The following POLI variants were observed in gnomAD, a reference collection of about 807,000 sequenced individuals.
POLI encodes the protein RAD30 homolog B.
In POLI, 58 loss-of-function variants were observed where a neutral mutation model predicts 51.6. The observed-to-expected ratio is 1.12, with a 90% confidence interval of 0.91 to 1.40. POLI has a LOEUF of 1.40. Ranked by LOEUF, POLI falls within the 40% of genes most tolerant of loss-of-function variation. The probability of loss-of-function intolerance (pLI) is 0.00; values close to 1 mark genes in which losing one functional copy is unlikely to be tolerated. For synonymous variants in POLI, 322 were observed against 299.7 expected, an observed-to-expected ratio of 1.07 and a Z score of -0.77; for missense variants, 921 against 871.3, an observed-to-expected ratio of 1.06 and a Z score of -0.72.
intron 7 of POLI, among the ~76,000 whole-genome samples, chr18:54,285,330 G>T (rs927271810): frequency 1.3e-5 from 2 of 152,142 alleles, no homozygotes; most frequent in Non-Finnish European, 2.9e-5. Flanking sequence ...AGTTTTACAG[G>T]TTCTCTTATT....
chr18:54,287,370 A>G lies in POLI; in HGVS notation c.1157A>G (p.Gln386Arg), dbSNP rs376491192. 14 of 1,605,946 alleles carry G rather than the reference A, an allele frequency of 8.7e-6. No homozygotes were observed. Among genetic ancestry groups the G allele is most frequent in the Non-Finnish European group, 1.1e-5 (13 of 1,174,998 alleles). The change falls in exon 8 of 10, where the codon CAG (glutamine) becomes CGG (arginine). Residue 386 changes from glutamine to arginine, a missense_variant. Coordinates refer to ENST00000579534, the MANE Select transcript of POLI (RefSeq NM_007195.3). Reference protein sequence around the residue: ...SEKHYGRESRQCPIPSHVIQK... With the variant: ...SEKHYGRESRRCPIPSHVIQK... Reference sequence around the variant, plus strand: ...AAGCACTATGGTCGTGAGAGTCGTCAGTGCCCTATTCCTTCACATGTAATT... The same window carrying G: ...AAGCACTATGGTCGTGAGAGTCGTCGGTGCCCTATTCCTTCACATGTAATT...
chr18:54,273,283 C>A (rs1325067850), intron 2 of POLI, among the ~76,000 whole-genome samples: 2 of 151,330 alleles, frequency 1.3e-5, no homozygotes, highest in Non-Finnish European at 2.9e-5. Flanking sequence ...ATTTTATATA[C>A]ATATTATATT....
At chr18:54,283,043 G>C (rs761868676) in intron 6 of POLI, 28 bp downstream of exon 6, 19 of 1,395,010 alleles carry the variant, frequency 1.4e-5, no homozygotes, top group Non-Finnish European at 1.9e-5. Context: ...TTTTAATTAA[G>C]TACTGGTTAT....
intron 8 of POLI, chr18:54,291,217 T>A (rs1903141): frequency 0.37 from 56,416 of 152,076 alleles, 11,446 homozygotes; most frequent in East Asian, 0.68. Flanking sequence ...ATCTGGCTGG[T>A]CCACTGATCT....
Position 54,298,070 on chromosome 18 carries a change from T to C in POLI, c.*3603T>C. ...CATGGATTTAGGTTCATTATGAATC[T>C]GCAGATTTGTGTCTTCCATCAAATC... On this transcript the variant is annotated 3_prime_UTR_variant, in exon 10 of 10. Transcript: ENST00000579534. The C allele has an allele frequency of 1.0e-6, 1 of 969,074 alleles. No homozygotes were observed. Among genetic ancestry groups the C allele is most frequent in the Non-Finnish European group, 1.2e-6 (1 of 815,042 alleles). The allele number at this position is 969,074 out of a possible 1,614,324, so 60.0% of individuals were successfully genotyped here.
chr18:54,300,626 G>T (rs780192809), downstream of POLI, among the ~76,000 whole-genome samples: 1 of 152,036 alleles, frequency 6.6e-6, no homozygotes, highest in Non-Finnish European at 1.5e-5. Flanking sequence ...TCAAAATCAT[G>T]TTAAATATAA....
rs192363974 is a variant in POLI at position 54,287,378 on chromosome 18, A to G, written c.1165A>G (p.Ile389Val). The change falls in exon 8 of 10, where the codon ATT (isoleucine) becomes GTT (valine). Residue 389 changes from isoleucine (I) to valine (V), a missense_variant. By Grantham distance (29) the Ile-to-Val change is conservative. Transcript: ENST00000579534. ...TGGTCGTGAGAGTCGTCAGTGCCCT[A>G]TTCCTTCACATGTAATTCAGAAATT... ...HYGRESRQCPIPSHVIQKLGT... is the reference protein window; with the variant it reads ...HYGRESRQCPVPSHVIQKLGT... 5.0e-6 allele frequency: 8 copies of G among 1,607,056 alleles called. No individual in the cohort carries two copies. The highest frequency in any genetic ancestry group is 1.7e-4 in the Middle Eastern group (1 of 6,042).
At chr18:54,287,556 A>C (rs1309935740) in intron 8 of POLI, 145 bp downstream of exon 8, 12 of 568,602 alleles carry the variant, frequency 2.1e-5, no homozygotes, top group Non-Finnish European at 3.4e-5. Context: ...AGGAATTTTC[A>C]CTGGAAAACT....
At chr18:54,315,839 G>C (rs1321451689) in intron 3 of POLI, among the ~76,000 whole-genome samples, 1 of 151,788 alleles carries the variant, frequency 6.6e-6, no homozygotes, top group African/African-American at 2.4e-5. Context: ...TTGAGCCTCT[G>C]TGTGTCATTA....
At position 54,294,538 on chromosome 18, in the gene POLI, T is replaced by C; in HGVS notation, c.*71T>C. On this transcript the variant is annotated 3_prime_UTR_variant, in exon 10 of 10. Coordinates refer to ENST00000579534, the MANE Select transcript of POLI (RefSeq NM_007195.3). ...TTCGGATTAGCGGTTTATTAAGCTC[T>C]TCTATATTAAACACTAATAGATATT... is the stretch of plus-strand genomic sequence containing the variant. 3 of 1,474,830 alleles carry C rather than the reference T, an allele frequency of 2.0e-6. No homozygotes were observed. The highest frequency in any genetic ancestry group is 8.9e-7 in the Non-Finnish European group (1 of 1,118,832). 91.4% of individuals were successfully genotyped at this position (1,474,830 alleles called of 1,614,324 possible). A position where few individuals can be genotyped will look rare whatever the true frequency, so the allele number is the denominator to read the frequency against.
chr18:54,299,885 C>CA (rs1434343914), downstream of POLI, among the ~76,000 whole-genome samples: 1 of 151,938 alleles, frequency 6.6e-6, no homozygotes, highest in East Asian at 1.9e-4. Context: ...CATACTATTG[C>CA]AGAAAAACAA....
chr18:54,279,384 A>C (rs2087396440), intron 4 of POLI, among the ~76,000 whole-genome samples: 2 of 151,908 alleles, frequency 1.3e-5, no homozygotes, highest in African/African-American at 2.4e-5. Context: ...CTGGGACTAC[A>C]GGCATGTGCC....
Position 54,277,789 on chromosome 18 carries a change from C to G in POLI, c.493C>G (p.Leu165Val), listed in dbSNP as rs745954398. 2.5e-6 allele frequency: 4 copies of G among 1,612,490 alleles called. No homozygotes were observed. Among genetic ancestry groups the G allele is most frequent in the Admixed American group, 1.7e-5 (1 of 59,904 alleles). ...VDLTEMVEKRLQQLQSDELSA... is the reference protein window; with the variant it reads ...VDLTEMVEKRVQQLQSDELSA... The stretch of plus-strand genomic sequence containing the variant: ...TCTAACAGAAATGGTTGAGAAGAGA[C>G]TACAGCAGCTGCAAAGTGATGAACT... Residue 165 changes from leucine (L) to valine (V), a missense_variant, in exon 4 of 10, where the codon CTA becomes GTA. Coordinates refer to ENST00000579534, the MANE Select transcript of POLI (RefSeq NM_007195.3).
intron 3 of POLI, among the ~76,000 whole-genome samples, chr18:54,308,553 A>G (rs191558729): frequency 6.7e-6 from 1 of 150,254 alleles, no homozygotes; most frequent in Non-Finnish European, 1.5e-5. Flanking sequence ...TCTGACAATT[A>G]TGTGTCTTGG....
rs754528058 is a variant in POLI at position 54,282,904 on chromosome 18, C to G, written c.864C>G (p.Thr288=). The G allele has an allele frequency of 5.0e-6, 8 of 1,592,882 alleles. No homozygotes were observed. The highest frequency in any genetic ancestry group is 2.3e-5 in the East Asian group (1 of 44,184). Residue 288 remains threonine (T), a synonymous_variant, in exon 6 of 10, where the codon ACC becomes ACG. Transcript: ENST00000579534. ...LGINSVRDLQ[T]FSPKILEKEL... ...TCAATAGTGTGCGTGATCTCCAAAC[C>G]TTTTCACCCAAAATTTTAGAAAAAG... is the stretch of plus-strand genomic sequence containing the variant.
chr18:54,273,594 TAACTTTTA>T (rs1442130059), intron 2 of POLI, among the ~76,000 whole-genome samples: 1 of 151,986 alleles, frequency 6.6e-6, no homozygotes, highest in Non-Finnish European at 1.5e-5. Context: ...ATCTATCGTC[TAACTTTTA>T]ATTCTGTGTT....
chr18:54,271,593 A>C, intron 2 of POLI, 108 bp downstream of exon 2: 1 of 744,508 alleles, frequency 1.3e-6, no homozygotes, highest in Non-Finnish European at 2.1e-6. Context: ...TTTTGGAAGC[A>C]GTTCTTACAG....
chr18:54,294,337 T>C lies in POLI; in HGVS notation c.2093T>C (p.Val698Ala), dbSNP rs1317238067. Residue 698 changes from valine (V) to alanine (A), a missense_variant, in exon 10 of 10, where the codon GTT becomes GCT. Physicochemically the swap from Val to Ala is moderately conservative, Grantham distance 64. Coordinates refer to ENST00000579534, the MANE Select transcript of POLI (RefSeq NM_007195.3). The part of the protein sequence containing the change: ...GLTENREPDS[V>A]DEKITFPSDI... Reference sequence around the variant, plus strand: ...ACAGAAAATAGAGAGCCAGATTCTGTTGATGAGAAAATTACTTTCCCTTCT... The same window carrying C: ...ACAGAAAATAGAGAGCCAGATTCTGCTGATGAGAAAATTACTTTCCCTTCT... The C allele has an allele frequency of 1.2e-6, 2 of 1,613,526 alleles. No homozygotes were observed. The highest frequency in any genetic ancestry group is 1.3e-5 in the African/African-American group (1 of 74,906).
Position 54,291,997 on chromosome 18 carries a change from C to A in POLI, c.1363C>A (p.Pro455Thr). 1.2e-6 allele frequency: 2 copies of A among 1,610,148 alleles called. No homozygotes were observed. Among genetic ancestry groups the A allele is most frequent in the South Asian group, 1.1e-5 (1 of 90,806 alleles). The change falls in exon 9 of 10, where the codon CCA (proline) becomes ACA (threonine). Residue 455 changes from proline (P) to threonine (T), a missense_variant. Pro to Thr is a conservative substitution (Grantham distance 38). Coordinates refer to ENST00000579534, the MANE Select transcript of POLI (RefSeq NM_007195.3). ...AGGGCTTATTGATTATTATTTAATG[C>A]CATCATTATCAACTACTTCACGCTC... ...KKGLIDYYLM[P>T]SLSTTSRSGK...
Sources: allele counts gnomAD v4.1 joint callset (sites outside exome capture counted in the v4.1 genomes callset), GRCh38; gene constraint gnomAD v4.1.1; transcripts MANE v1.5; gene names NCBI Gene and HGNC (gene_info 2026-07-23, HGNC 2026-07-21).